The following MOK variants were observed in gnomAD, a reference collection of about 807,000 sequenced individuals.
The protein encoded by MOK is MAPK/MAK/MRK overlapping kinase.
Under a neutral mutation model 54.2 loss-of-function variants are expected in MOK, and 59 were observed. The observed-to-expected ratio is 1.09, with a 90% CI of 0.88 to 1.35. MOK has a LOEUF of 1.35. MOK is among the 40% of genes most tolerant of loss of function. The pLI is 0.00. For missense variants in MOK, 517 were observed against 526.2 expected, an observed-to-expected ratio of 0.98 and a Z score of 0.17; for synonymous variants, 210 against 202.7, an observed-to-expected ratio of 1.04 and a Z score of -0.31.
chr14:102,279,284 C>CGTTGTTGTTGTT (rs71116892), intron 2 of MOK, among the ~76,000 whole-genome samples: 12 of 150,918 alleles, frequency 8.0e-5, no homozygotes, highest in African/African-American at 2.9e-4. Flanking sequence ...GCAAGAGAAC[C>CGTTGTTGTTGTT]GTTGTTGTTG....
intron 1 of MOK, among the ~76,000 whole-genome samples, chr14:102,284,736 C>T (rs2069836797): frequency 6.6e-6 from 1 of 152,092 alleles, no homozygotes; most frequent in East Asian, 1.9e-4. Context: ...CAAGGAAGCT[C>T]CTACAAATTG....
chr14:102,233,518 T>G, intron 8 of MOK, 170 bp downstream of exon 8: 1 of 598,330 alleles, frequency 1.7e-6, no homozygotes. Flanking sequence ...CTTAAAGTGA[T>G]GGGCTCTGTC....
Position 102,251,913 on chromosome 14 carries a change from A to G in MOK, c.362+4T>C, listed in dbSNP as rs747512129. ...TCAGAGCTGTCAAATCTCCGAGAGC[A>G]TACCTGTGAATATGATCCAGGGACT... On this transcript the variant is annotated splice_donor_region_variant and intron_variant, in intron 5 of 11. Coordinates refer to ENST00000361847, the MANE Select transcript of MOK (RefSeq NM_014226.3). 2 of 1,593,940 alleles carry G rather than the reference A, an allele frequency of 1.3e-6. No individual in the cohort carries two copies. The highest frequency in any genetic ancestry group is 1.1e-5 in the South Asian group (1 of 88,994).
chr14:102,297,676 G>A (rs968569556), intron 1 of MOK, among the ~76,000 whole-genome samples: 21 of 152,332 alleles, frequency 1.4e-4, no homozygotes, highest in African/African-American at 5.1e-4. Context: ...GGCACCGCGA[G>A]GTGTGGAGGG....
intron 4 of MOK, among the ~76,000 whole-genome samples, chr14:102,252,454 C>A (rs1355634795): frequency 4.4e-4 from 62 of 139,912 alleles, no homozygotes; most frequent in Admixed American, 2.1e-3. Flanking sequence ...AAACTCCGTC[C>A]AAAAAAAAAA....
chr14:102,231,763 C>T lies in MOK; in HGVS notation c.925G>A (p.Val309Met). 1 of 1,612,652 alleles carries T rather than the reference C, an allele frequency of 6.2e-7. No individual in the cohort carries two copies. The highest frequency in any genetic ancestry group is 1.1e-5 in the South Asian group (1 of 91,014). Reference sequence around the variant, plus strand: ...CTGTTACTGAGTGGTTCCGGTGCCACAGGGTGCTCCGGAAAGCCAGCTTTT... The same window carrying T: ...CTGTTACTGAGTGGTTCCGGTGCCATAGGGTGCTCCGGAAAGCCAGCTTTT... Reference protein sequence around the residue: ...HRKAGFPEHPVAPEPLSNSCQ... With the variant: ...HRKAGFPEHPMAPEPLSNSCQ... Residue 309 changes from valine (V) to methionine (M), a missense_variant, in exon 10 of 12, where the codon GTG becomes ATG. Transcript: ENST00000361847. This position sits in a 1 kb window ranked among gnomAD's most constrained non-coding sequence, Gnocchi z 4.4.
At chr14:102,228,718 A>G (rs2153078791), downstream of MOK, 1 of 150,734 alleles carries the variant, frequency 6.6e-6, no homozygotes, top group Non-Finnish European at 1.5e-5. Context: ...AAAAAAAAAA[A>G]TTAAGCCACA....
At chr14:102,275,002 CTT>C (rs1261416235) in intron 2 of MOK, among the ~76,000 whole-genome samples, 1 of 150,762 alleles carries the variant, frequency 6.6e-6, no homozygotes, top group Non-Finnish European at 1.5e-5. Flanking sequence ...AGAAGAAAGA[CTT>C]TTAGTATCTG....
Position 102,303,167 on chromosome 14 carries a change from AAAAG to A in MOK, c.7+1791_7+1794del, listed in dbSNP as rs570451269. Reference sequence around the variant, plus strand: ...CACAGAGAGACCCTGTCCAAAAAAAAAAAGAGTCTAAGAGAAAAAGAAGGTAGAT... The same window carrying A: ...CACAGAGAGACCCTGTCCAAAAAAAAAGTCTAAGAGAAAAAGAAGGTAGAT... On this transcript the variant is annotated intron_variant, in intron 1 of 11. Coordinates refer to ENST00000361847, the MANE Select transcript of MOK (RefSeq NM_014226.3). 1.1e-3 allele frequency among the ~76,000 whole-genome samples: 174 copies of A among 152,192 alleles called. No individual in the cohort carries two copies. In the East Asian group the frequency reaches 0.016, roughly 14 times the overall value.
Position 102,259,934 on chromosome 14 carries a change from T to C in MOK, c.283+3612A>G, listed in dbSNP as rs534488794. Among the ~76,000 whole-genome samples the C allele has an allele frequency of 3.9e-5, 6 of 152,184 alleles. No individual in the cohort carries two copies. The East Asian group carries it at 9.6e-4, about 24-fold the overall frequency. ...GGCTCACGCCTGTAATCCCAGCACTTTGGGAGGCCAAGGTGGGCGGATCAC... is the reference window on the plus strand; with the variant it reads ...GGCTCACGCCTGTAATCCCAGCACTCTGGGAGGCCAAGGTGGGCGGATCAC... On this transcript the variant is annotated intron_variant, in intron 4 of 11. Coordinates refer to ENST00000361847, the MANE Select transcript of MOK (RefSeq NM_014226.3).
intron 1 of MOK, 29 bp from the exon 2 acceptor site, chr14:102,283,621 A>G (rs1567224795): frequency 2.1e-6 from 3 of 1,455,512 alleles, no homozygotes; most frequent in Admixed American, 3.6e-5. Flanking sequence ...ACAAAAATAA[A>G]ATGTTATTTA....
the MOK span, among the ~76,000 whole-genome samples, chr14:102,217,414 C>CT: frequency 6.6e-6 from 1 of 152,208 alleles, no homozygotes. Flanking sequence ...GAGTACAATC[C>CT]TTTTCTCTGG....
chr14:102,251,344 G>T (rs2066510908), intron 6 of MOK: 3 of 388,430 alleles, frequency 7.7e-6, no homozygotes, highest in South Asian at 6.6e-5. Context: ...TAGCCACACA[G>T]CCTCAGAGGA....
At chr14:102,215,208 G>C in the MOK span, among the ~76,000 whole-genome samples, 157 of 152,218 alleles carry the variant, frequency 1.0e-3, no homozygotes, top group African/African-American at 3.7e-3. Context: ...CTGCGTCTCA[G>C]ATACTGTTTT....
chr14:102,229,701 C>T (rs1373078859), intron 10 of MOK, 44 bp from the exon 11 acceptor site: 1 of 1,511,390 alleles, frequency 6.6e-7, no homozygotes, highest in African/African-American at 1.4e-5. Flanking sequence ...ACGCTTTCTG[C>T]TTTATGGAAA....
downstream of MOK, among the ~76,000 whole-genome samples, chr14:102,228,650 G>T (rs2064355409): frequency 7.3e-6 from 1 of 137,336 alleles, no homozygotes; most frequent in East Asian, 2.4e-4. Context: ...AGTGAGCCAA[G>T]ATTGCGCCAT....
chr14:102,257,794 T>A (rs2067087979), intron 4 of MOK, among the ~76,000 whole-genome samples: 1 of 152,090 alleles, frequency 6.6e-6, no homozygotes, highest in Admixed American at 6.6e-5. Flanking sequence ...CTGGCCAACA[T>A]GGTGAAACCC....
rs928458011 is a variant in MOK at position 102,230,517 on chromosome 14, G to A, written c.982-860C>T. 1.6e-4 allele frequency: 25 copies of A among 152,232 alleles called. No individual in the cohort carries two copies. Among genetic ancestry groups the A allele is most frequent in the Admixed American group, 5.2e-4 (8 of 15,282 alleles). The allele number at this position is 152,232 out of a possible 1,614,324, so 9.4% of individuals were successfully genotyped here. On this transcript the variant is annotated intron_variant, in intron 10 of 11. Coordinates refer to ENST00000361847, the MANE Select transcript of MOK (RefSeq NM_014226.3). This position sits in a 1 kb window ranked among gnomAD's most constrained non-coding sequence, Gnocchi z 4.1. ...GCAGGGAGTGTAACGAACACCCCAC[G>A]GCCACGGGGCCTAAAATATTTCCTA...
Position 102,230,508 on chromosome 14 carries a change from A to C in MOK, c.982-851T>G, listed in dbSNP as rs1284712673. Reference sequence around the variant, plus strand: ...TGCAGCAAAGCAGGGAGTGTAACGAACACCCCACGGCCACGGGGCCTAAAA... The same window carrying C: ...TGCAGCAAAGCAGGGAGTGTAACGACCACCCCACGGCCACGGGGCCTAAAA... On this transcript the variant is annotated intron_variant, in intron 10 of 11. Transcript: ENST00000361847. The surrounding 1 kb of genome is among the most constrained non-coding windows in gnomAD (Gnocchi z 4.1). 1 of 152,252 alleles carries C rather than the reference A, an allele frequency of 6.6e-6. No individual in the cohort carries two copies. The highest frequency in any genetic ancestry group is 1.9e-4 in the East Asian group (1 of 5,196). The allele number at this position is 152,252 out of a possible 1,614,324, so 9.4% of individuals were successfully genotyped here.
Sources: allele counts gnomAD v4.1 joint callset (sites outside exome capture counted in the v4.1 genomes callset), GRCh38; gene constraint gnomAD v4.1.1; non-coding constraint Gnocchi (gnomAD v3.1); transcripts MANE v1.5; gene names NCBI Gene and HGNC (gene_info 2026-07-23, HGNC 2026-07-21).